SLAMF7: variants seen among roughly 807,000 people sequenced by gnomAD.
The protein encoded by SLAMF7 is 19A24 protein.
Under a neutral mutation model 34.1 loss-of-function variants are expected in SLAMF7, and 26 were observed. That is an observed-to-expected ratio of 0.76 (90% CI 0.56 to 1.06). The LOEUF is 1.06. SLAMF7 is among the 50% of genes least tolerant of loss of function. SLAMF7 has a pLI of 0.00. For synonymous variants in SLAMF7, 171 were observed against 156.4 expected (o/e 1.09, Z -0.70); for missense variants, 399 against 402.5 (o/e 0.99, Z 0.07).
intron 1 of SLAMF7, 22 bp downstream of exon 1, chr1:160,739,378 T>C (rs1225651094): frequency 6.2e-7 from 1 of 1,606,444 alleles, no homozygotes; most frequent in Non-Finnish European, 8.5e-7. Flanking sequence ...CGGATTCTCT[T>C]CCACTCTCCT....
rs80162933 is a variant in SLAMF7, at chr1:160,748,246, C to T, written c.108C>T (p.Ala36=). Residue 36 remains alanine, a synonymous_variant, in exon 2 of 7, where the codon GCC becomes GCT. Transcript: ENST00000368043. ...VKELVGSVGG[A]VTFPLKSKVK... ...AGCTGGTCGGTTCCGTTGGTGGGGC[C>T]GTGACTTTCCCCCTGAAGTCCAAAG... 2,079 of 1,614,012 alleles carry T rather than the reference C, an allele frequency of 1.3e-3. 33 individuals are homozygous for T. The African/African-American group carries it at 0.024, about 19-fold the overall frequency.
At chr1:160,752,475 A>G (rs1664712065) in intron 6 of SLAMF7, among the ~76,000 whole-genome samples, 1 of 152,246 alleles carries the variant, frequency 6.6e-6, no homozygotes. Flanking sequence ...AGAGTAGGAC[A>G]GAGGTTCTAG....
chr1:160,749,960 T>C lies in SLAMF7; in HGVS notation c.516T>C (p.Asn172=), dbSNP rs754928717. The C allele has an allele frequency of 6.2e-7, 1 of 1,614,122 alleles. No individual in the cohort carries two copies. The highest frequency in any genetic ancestry group is 8.5e-7 in the Non-Finnish European group (1 of 1,179,974). ...YTWKALGQAA[N]ESHNGSILPI... is the part of the protein sequence containing the mutation. ...GGAAGGCCCTGGGGCAAGCAGCCAA[T>C]GAGTCCCATAATGGGTCCATCCTCC... The change falls in exon 3 of 7, where the codon AAT becomes AAC. Residue 172 remains asparagine (N), a synonymous_variant. Transcript: ENST00000368043.
At chr1:160,747,342 G>A (rs1462442006) in intron 1 of SLAMF7, among the ~76,000 whole-genome samples, 1 of 152,112 alleles carries the variant, frequency 6.6e-6, no homozygotes, top group Non-Finnish European at 1.5e-5. Flanking sequence ...TTCCTGATCC[G>A]TAAGATAGGG....
rs545664712 is a variant in SLAMF7 at position 160,748,599 on chromosome 1, G to A, written c.376+85G>A. 1.9e-5 allele frequency: 24 copies of A among 1,267,106 alleles called. No homozygotes were observed. In the South Asian group the frequency reaches 3.2e-4, roughly 17 times the overall value. 78.5% of individuals were successfully genotyped at this position (1,267,106 alleles called of 1,614,324 possible). ...CATGAGAGATGTTTAAGCAGAGGCT[G>A]AATAAACACTTGGCAAGAATGTGGG... On this transcript the variant is annotated intron_variant, in intron 2 of 6. Transcript: ENST00000368043.
chr1:160,746,855 G>A (rs924187756), intron 1 of SLAMF7, among the ~76,000 whole-genome samples: 5 of 152,046 alleles, frequency 3.3e-5, no homozygotes, highest in Admixed American at 6.6e-5. Flanking sequence ...CTGGGTGGAC[G>A]TGCACAGTAG....
intron 3 of SLAMF7, 78 bp downstream of exon 3, chr1:160,750,171 A>C (rs1268169111): frequency 1.3e-6 from 2 of 1,579,046 alleles, no homozygotes; most frequent in Non-Finnish European, 1.7e-6. Context: ...CCATGGGAAC[A>C]GACACTGTAT....
Position 160,753,006 on chromosome 1 carries a change from G to A in SLAMF7, c.937-100G>A, listed in dbSNP as rs567978104. On this transcript the variant is annotated intron_variant, in intron 6 of 6. Coordinates refer to ENST00000368043, the MANE Select transcript of SLAMF7 (RefSeq NM_021181.5). Reference sequence around the variant, plus strand: ...CAGCATGCCAGCCGATTTGGGTTGGGTAACCTTGGAAATAAAGTTTCCTGG... The same window carrying A: ...CAGCATGCCAGCCGATTTGGGTTGGATAACCTTGGAAATAAAGTTTCCTGG... 2.3e-4 allele frequency: 257 copies of A among 1,121,494 alleles called. 1 individual carries two copies. The highest frequency in any genetic ancestry group is 3.2e-4 in the Non-Finnish European group (239 of 748,496). 69.5% of individuals were successfully genotyped at this position (1,121,494 alleles called of 1,614,324 possible).
chr1:160,739,493 T>C (rs1319412797), intron 1 of SLAMF7, 137 bp downstream of exon 1: 8 of 699,488 alleles, frequency 1.1e-5, no homozygotes, highest in Non-Finnish European at 2.4e-6. Context: ...TTTATCAATC[T>C]CTGATCTCTG....
Position 160,753,236 on chromosome 1 carries a change from A to C in SLAMF7, c.*59A>C, listed in dbSNP as rs916543734. 2 of 1,415,074 alleles carry C rather than the reference A, an allele frequency of 1.4e-6. No homozygotes were observed. The highest frequency in any genetic ancestry group is 9.9e-7 in the Non-Finnish European group (1 of 1,013,258). 87.7% of individuals were successfully genotyped at this position (1,415,074 alleles called of 1,614,324 possible). On this transcript the variant is annotated 3_prime_UTR_variant, in exon 7 of 7. Coordinates refer to ENST00000368043, the MANE Select transcript of SLAMF7 (RefSeq NM_021181.5). The stretch of plus-strand genomic sequence containing the variant: ...AAAAAAACAATTCTCGGCCCAAAGA[A>C]AACAATCAGAAGAATTCACTGATTT...
intron 6 of SLAMF7, 86 bp downstream of exon 6, chr1:160,752,334 G>C: frequency 9.5e-7 from 1 of 1,048,064 alleles, no homozygotes; most frequent in South Asian, 1.3e-5. Context: ...TTGGACCCAG[G>C]TATCTCATAC....
intron 1 of SLAMF7, among the ~76,000 whole-genome samples, chr1:160,744,249 T>C (rs1042992457): frequency 6.6e-6 from 1 of 152,184 alleles, no homozygotes; most frequent in Non-Finnish European, 1.5e-5. Context: ...CTTGGACAAC[T>C]GAAAAAAGAA....
At chr1:160,746,263 C>T (rs147708909) in intron 1 of SLAMF7, among the ~76,000 whole-genome samples, 49 of 152,316 alleles carry the variant, frequency 3.2e-4, no homozygotes, top group African/African-American at 1.2e-3. Context: ...TTTATACCAA[C>T]ACAGTCATGA....
chr1:160,751,231 A>G (rs1490660705), intron 4 of SLAMF7, 114 bp from the exon 5 acceptor site: 1 of 747,720 alleles, frequency 1.3e-6, no homozygotes, highest in Non-Finnish European at 2.4e-6. Flanking sequence ...TTCCATTACA[A>G]GGAAACTCGG....
At position 160,751,327 on chromosome 1, in the gene SLAMF7, C is replaced by T; in HGVS notation, c.770-18C>T. The T allele has an allele frequency of 6.3e-7, 1 of 1,591,056 alleles. No homozygotes were observed. Among genetic ancestry groups the T allele is most frequent in the Non-Finnish European group, 8.6e-7 (1 of 1,159,028 alleles). ...TGGTTGGAGAGGTGGCTTTGATTCT[C>T]TCCCAACTTGCTTTTAGAGTACATT... On this transcript the variant is annotated intron_variant, in intron 4 of 6. Transcript: ENST00000368043.
intron 5 of SLAMF7, chr1:160,751,755 G>C (rs917931848): frequency 3.7e-5 from 8 of 217,774 alleles, no homozygotes; most frequent in African/African-American, 1.6e-4. Context: ...TAAGGCAGTG[G>C]GTAGAAGAGT....
Position 160,751,404 on chromosome 1 carries a change from C to G in SLAMF7, c.829C>G (p.His277Asp), listed in dbSNP as rs1211155112. The change falls in exon 5 of 7, where the codon CAT (histidine) becomes GAT (aspartate). Residue 277 changes from histidine (H) to aspartate (D), a missense_variant. By Grantham distance (81) the His-to-Asp change is moderately conservative. Transcript: ENST00000368043. The stretch of plus-strand genomic sequence containing the variant: ...TCGGGAAACTCCTAACATATGCCCC[C>G]ATTCTGGAGAGAACACAGAGTACGA... ...ICRETPNICP[H>D]SGENTEYDTI... 3.7e-6 allele frequency: 6 copies of G among 1,613,834 alleles called. No homozygotes were observed. Among genetic ancestry groups the G allele is most frequent in the South Asian group, 1.1e-5 (1 of 91,086 alleles).
Position 160,750,012 on chromosome 1 carries a change from G to T in SLAMF7, c.568G>T (p.Asp190Tyr), listed in dbSNP as rs1418193833. The change falls in exon 3 of 7, where the codon GAT (aspartate) becomes TAT (tyrosine). Residue 190 changes from aspartate to tyrosine, a missense_variant. Transcript: ENST00000368043. ...CATCTCCTGGAGATGGGGAGAAAGT[G>T]ATATGACCTTCATCTGCGTTGCCAG... ...LPISWRWGES[D>Y]MTFICVARNP... 1 of 1,614,110 alleles carries T rather than the reference G, an allele frequency of 6.2e-7. No individual in the cohort carries two copies. The highest frequency in any genetic ancestry group is 8.5e-7 in the Non-Finnish European group (1 of 1,179,988).
rs765474617 is a variant in SLAMF7 at position 160,750,434 on chromosome 1, T to A, written c.769+11T>A. The A allele has an allele frequency of 6.2e-7, 1 of 1,612,106 alleles. No homozygotes were observed. Among genetic ancestry groups the A allele is most frequent in the Non-Finnish European group, 8.5e-7 (1 of 1,179,106 alleles). On this transcript the variant is annotated intron_variant, in intron 4 of 6. Transcript: ENST00000368043. ...GAGAGAGACAAGAAGGTAGAGCGTGTACTATTTTTGTCCTCACCCACATTC... is the reference window on the plus strand; with the variant it reads ...GAGAGAGACAAGAAGGTAGAGCGTGAACTATTTTTGTCCTCACCCACATTC...
Sources: gnomAD v4.1 joint callset for allele counts (sites outside exome capture counted in the v4.1 genomes callset) on GRCh38, gnomAD v4.1.1 for gene constraint, MANE v1.5 for transcripts, NCBI Gene and HGNC (gene_info 2026-07-23, HGNC 2026-07-21) for gene names.